The following DIAPH3 variants were observed in gnomAD, a reference collection of about 807,000 sequenced individuals.
DIAPH3 encodes the protein diaphanous related formin 3, also known as protein diaphanous homolog 3.
In DIAPH3, 117 loss-of-function variants were observed where a neutral mutation model predicts 144.3. The observed-to-expected ratio is 0.81, with a 90% CI of 0.70 to 0.95. The LOEUF (loss-of-function observed/expected upper bound fraction) is 0.95, where lower values mean the gene tolerates loss of function less well. Ranked by LOEUF, DIAPH3 falls within the 40% of genes least tolerant of loss-of-function variation. The pLI is 0.00. For missense variants in DIAPH3, 1,421 were observed against 1,412.7 expected (o/e 1.01, Z -0.09); for synonymous variants, 519 against 488.9 (o/e 1.06, Z -0.81).
chr13:59,971,994 A>T (rs2050412600), intron 15 of DIAPH3, among the ~76,000 whole-genome samples: 1 of 152,202 alleles, frequency 6.6e-6, no homozygotes, highest in South Asian at 2.1e-4. Flanking sequence ...CAAAAGTGAG[A>T]ATTTATTTAA....
chr13:60,103,703 T>C (rs2058335643), intron 3 of DIAPH3, among the ~76,000 whole-genome samples: 1 of 152,234 alleles, frequency 6.6e-6, no homozygotes, highest in Non-Finnish European at 1.5e-5. Flanking sequence ...TAATTATTCT[T>C]GGTAGCAGTC....
At chr13:59,691,659 C>G (rs576883897) in intron 27 of DIAPH3, among the ~76,000 whole-genome samples, 1 of 151,602 alleles carries the variant, frequency 6.6e-6, no homozygotes, top group Non-Finnish European at 1.5e-5. Flanking sequence ...GCATGTAGAA[C>G]GAATAAAATA....
In DIAPH3 at chr13:60,125,394, A is replaced by ATTTTTTTTTTTTTTTTTT. The variant is rs56267083; in HGVS notation, c.213+7545_213+7562dup. On this transcript the variant is annotated intron_variant, in intron 2 of 27. Transcript: ENST00000400324. The stretch of plus-strand genomic sequence containing the variant: ...ATCTGCATACCATCACACCCAGCTA[A>ATTTTTTTTTTTTTTTTTT]TTTTTTTTTTTTTTTTTTTTTTTTT... 1.6e-3 allele frequency among the ~76,000 whole-genome samples: 152 copies of ATTTTTTTTTTTTTTTTTT among 97,848 alleles called. 4 individuals are homozygous for ATTTTTTTTTTTTTTTTTT. Among genetic ancestry groups the ATTTTTTTTTTTTTTTTTT allele is most frequent in the East Asian group, 6.7e-3 (16 of 2,384 alleles). 64.2% of individuals were successfully genotyped at this position (97,848 alleles called of 152,430 possible). A position where few individuals can be genotyped will look rare whatever the true frequency, so the allele number is the denominator to read the frequency against.
At chr13:59,747,955 C>A (rs539130271) in intron 27 of DIAPH3, among the ~76,000 whole-genome samples, 1 of 152,314 alleles carries the variant, frequency 6.6e-6, no homozygotes, top group South Asian at 2.1e-4. Flanking sequence ...TTTGAGAATG[C>A]TATGTCTTGG....
At chr13:59,823,811 C>A (rs2041214289) in intron 24 of DIAPH3, among the ~76,000 whole-genome samples, 1 of 152,110 alleles carries the variant, frequency 6.6e-6, no homozygotes, top group Non-Finnish European at 1.5e-5. Context: ...TGGCTGTCCT[C>A]CCTATCAAAA....
intron 17 of DIAPH3, among the ~76,000 whole-genome samples, chr13:59,962,690 G>A (rs545949976): frequency 7.9e-5 from 12 of 151,914 alleles, no homozygotes; most frequent in South Asian, 2.1e-4. Flanking sequence ...GGTTTTTCCC[G>A]CCCGGTCTTG....
At chr13:59,846,221 T>C (rs1462251892) in intron 22 of DIAPH3, among the ~76,000 whole-genome samples, 4 of 139,864 alleles carry the variant, frequency 2.9e-5, no homozygotes, top group Non-Finnish European at 4.8e-5. Flanking sequence ...AAGGAGAGGT[T>C]ACATAATCTT....
In DIAPH3 at chr13:60,053,851, T is replaced by TA. The variant is rs201501992; in HGVS notation, c.496-11032dup. Among the ~76,000 whole-genome samples, 862 of 150,848 alleles carry TA rather than the reference T, an allele frequency of 5.7e-3. 5 individuals are homozygous for TA. The highest frequency in any genetic ancestry group is 8.9e-3 in the Non-Finnish European group (600 of 67,548). On this transcript the variant is annotated intron_variant, in intron 4 of 27. Transcript: ENST00000400324. ...GACCAGATTTTTAAAATAATAAATG[T>TA]AAAAAAAAACTAAATCTGATATATC...
At chr13:59,983,688 C>A (rs1483322071) in intron 13 of DIAPH3, 81 bp downstream of exon 13, 31 of 947,750 alleles carry the variant, frequency 3.3e-5, no homozygotes, top group African/African-American at 6.6e-5. Context: ...TCCAGAGACA[C>A]AACCCGAGAA....
chr13:60,031,905 AGC>A (rs1265359045), intron 5 of DIAPH3, among the ~76,000 whole-genome samples: 1 of 151,920 alleles, frequency 6.6e-6, no homozygotes, highest in Admixed American at 6.6e-5. Flanking sequence ...CACCATGCCC[AGC>A]TAATTTTTGT....
intron 9 of DIAPH3, among the ~76,000 whole-genome samples, chr13:60,007,508 G>T (rs536448515): frequency 6.6e-6 from 1 of 152,102 alleles, no homozygotes; most frequent in South Asian, 2.1e-4. Flanking sequence ...TTTATTAAGT[G>T]TGAAAGAGAT....
At chr13:59,708,173 C>T (rs1319606718) in intron 27 of DIAPH3, among the ~76,000 whole-genome samples, 1 of 151,988 alleles carries the variant, frequency 6.6e-6, no homozygotes, top group Non-Finnish European at 1.5e-5. Flanking sequence ...AGCGATCCTC[C>T]TGCCTCAGCC....
intron 5 of DIAPH3, among the ~76,000 whole-genome samples, chr13:60,040,512 G>C (rs1188643727): frequency 6.6e-6 from 1 of 152,086 alleles, no homozygotes; most frequent in Non-Finnish European, 1.5e-5. Context: ...ATAACCCATT[G>C]TAAGATGCAT....
At chr13:59,944,048 C>A (rs1346575219) in intron 17 of DIAPH3, among the ~76,000 whole-genome samples, 3 of 151,896 alleles carry the variant, frequency 2.0e-5, no homozygotes, top group Non-Finnish European at 4.4e-5. Flanking sequence ...CATGTCTCTA[C>A]AAGAAAAATT....
intron 3 of DIAPH3, among the ~76,000 whole-genome samples, chr13:60,103,190 C>A (rs2058321129): frequency 1.3e-5 from 2 of 151,878 alleles, no homozygotes; most frequent in African/African-American, 4.8e-5. Context: ...AGTACCTGTG[C>A]ACACACATGC....
At chr13:60,138,370 C>G (rs546582405) in intron 1 of DIAPH3, among the ~76,000 whole-genome samples, 3 of 152,314 alleles carry the variant, frequency 2.0e-5, no homozygotes, top group African/African-American at 7.2e-5. Context: ...ATTCCCTCAG[C>G]CTGCACACAT....
intron 22 of DIAPH3, among the ~76,000 whole-genome samples, chr13:59,847,078 C>CA (rs1443142667): frequency 1.3e-5 from 2 of 151,978 alleles, no homozygotes; most frequent in African/African-American, 4.8e-5. Context: ...GATCTTGTCT[C>CA]AAAAAAAAGA....
chr13:59,927,924 C>A lies in DIAPH3; in HGVS notation c.2075-3054G>T, dbSNP rs184573149. ...GCTTCGTGTATCTGGATGTCTATTT[C>A]TTTCCCAAGACTTAGAGAGTTTTCA... On this transcript the variant is annotated intron_variant, in intron 17 of 27. Coordinates refer to ENST00000400324, the MANE Select transcript of DIAPH3 (RefSeq NM_001042517.2). 1.4e-4 allele frequency among the ~76,000 whole-genome samples: 21 copies of A among 152,212 alleles called. No individual in the cohort carries two copies. The East Asian group carries it at 2.9e-3, about 21-fold the overall frequency.
At chr13:60,058,803 T>C (rs1489318130) in intron 4 of DIAPH3, among the ~76,000 whole-genome samples, 2 of 151,974 alleles carry the variant, frequency 1.3e-5, no homozygotes, top group East Asian at 1.9e-4. Flanking sequence ...ACTCAGGAAT[T>C]GAAAATCAAA....
Sources: allele counts gnomAD v4.1 joint callset (sites outside exome capture counted in the v4.1 genomes callset), GRCh38; gene constraint gnomAD v4.1.1; transcripts MANE v1.5; gene names NCBI Gene and HGNC (gene_info 2026-07-23, HGNC 2026-07-21).